Variants in SPIDR observed in about 807,000 individuals in gnomAD.
SPIDR encodes DNA repair-scaffolding protein.
Under a neutral mutation model 104.6 loss-of-function variants are expected in SPIDR, and 93 were observed. That is an observed-to-expected ratio of 0.89 (90% CI 0.75 to 1.06). The LOEUF is 1.06. Among genes scored for constraint, SPIDR ranks in the 50% least tolerant of loss-of-function variants. The pLI is 0.00. For synonymous variants in SPIDR, 431 were observed against 416.9 expected, an observed-to-expected ratio of 1.03 and a Z score of -0.41; for missense variants, 1,154 against 1,111.2, an observed-to-expected ratio of 1.04 and a Z score of -0.55.
chr8:47,291,063 TTACAGACATAAC>T lies in SPIDR; in HGVS notation c.288_299del (p.Thr97_Thr100del). 6.2e-7 allele frequency: 1 copy of T among 1,613,216 alleles called. No individual in the cohort carries two copies. Among genetic ancestry groups the T allele is most frequent in the Non-Finnish European group, 8.5e-7 (1 of 1,179,492 alleles). On this transcript the variant is annotated inframe_deletion, in exon 4 of 20. Transcript: ENST00000297423. ...ACCACATCTAAAAGCACCAGTGGGCTTACAGACATAACATGGAGCTCCAGTGGAAGTGATTTG... is the reference window on the plus strand; with the variant it reads ...ACCACATCTAAAAGCACCAGTGGGCTATGGAGCTCCAGTGGAAGTGATTTG...
At chr8:47,307,375 C>T (rs184234189) in intron 5 of SPIDR, among the ~76,000 whole-genome samples, 130 of 150,692 alleles carry the variant, frequency 8.6e-4, no homozygotes, top group Non-Finnish European at 1.3e-3. Context: ...TGTGCCACCA[C>T]GCCTGGCTCA....
At chr8:47,658,942 C>CAAAAAA (rs772463596) in intron 10 of SPIDR, among the ~76,000 whole-genome samples, 1 of 71,986 alleles carries the variant, frequency 1.4e-5, no homozygotes, top group African/African-American at 5.1e-5. Context: ...ATCTCCATCT[C>CAAAAAA]AAAAAAAAAA....
chr8:47,647,653 A>AGAGAGG (rs1563416167), intron 10 of SPIDR, among the ~76,000 whole-genome samples: 4 of 89,152 alleles, frequency 4.5e-5, no homozygotes, highest in Admixed American at 1.2e-4. Flanking sequence ...AGAGAGAGAG[A>AGAGAGG]GGGAGAGAGA....
At chr8:47,697,893 G>A (rs1563578734) in intron 11 of SPIDR, 1 of 152,268 alleles carries the variant, frequency 6.6e-6, no homozygotes, top group Non-Finnish European at 1.5e-5. Flanking sequence ...GCTGCTGGGT[G>A]AGCTGCTGAC....
At chr8:47,401,388 G>C (rs527743105) in intron 6 of SPIDR, among the ~76,000 whole-genome samples, 1 of 152,308 alleles carries the variant, frequency 6.6e-6, no homozygotes, top group African/African-American at 2.4e-5. Flanking sequence ...ATGCCAAATT[G>C]TAAAGACCAT....
At chr8:47,420,190 G>T (rs1196115046) in intron 7 of SPIDR, among the ~76,000 whole-genome samples, 3 of 152,126 alleles carry the variant, frequency 2.0e-5, no homozygotes, top group African/African-American at 7.2e-5. Flanking sequence ...GTGTCTCGTT[G>T]ATCTGTCTAA....
intron 8 of SPIDR, among the ~76,000 whole-genome samples, chr8:47,476,745 A>C (rs1289412328): frequency 6.6e-6 from 1 of 152,244 alleles, no homozygotes; most frequent in Non-Finnish European, 1.5e-5. Context: ...GCTTAGAAAA[A>C]TACCAGGATT....
intron 8 of SPIDR, among the ~76,000 whole-genome samples, chr8:47,517,774 G>T (rs1023438323): frequency 6.6e-6 from 1 of 152,058 alleles, no homozygotes; most frequent in Non-Finnish European, 1.5e-5. Flanking sequence ...TTCATTATTC[G>T]TATTTAACTC....
intron 8 of SPIDR, among the ~76,000 whole-genome samples, chr8:47,579,908 T>C (rs2059538777): frequency 6.6e-6 from 1 of 152,220 alleles, no homozygotes; most frequent in Admixed American, 6.5e-5. Flanking sequence ...TGGGAGATGG[T>C]CTGGTATCTT....
chr8:47,369,132 A>G (rs368028880), intron 5 of SPIDR, among the ~76,000 whole-genome samples: 1 of 152,300 alleles, frequency 6.6e-6, no homozygotes, highest in South Asian at 2.1e-4. Flanking sequence ...ATGAAGAGAA[A>G]TGTGACTAAG....
At chr8:47,411,735 C>T (rs1479271548) in intron 7 of SPIDR, among the ~76,000 whole-genome samples, 8 of 151,992 alleles carry the variant, frequency 5.3e-5, no homozygotes, top group African/African-American at 9.7e-5. Flanking sequence ...TGCCCATGCC[C>T]ATGTCCTGAA....
rs2046429384 is a variant in SPIDR, at chr8:47,320,903, C to T, written c.525+26873C>T. 2.0e-5 allele frequency among the ~76,000 whole-genome samples: 3 copies of T among 152,294 alleles called. 1 individual carries two copies. The highest frequency in any genetic ancestry group is 4.1e-4 in the South Asian group (2 of 4,824). ...CCTTTGACAAAATTTAACAACCCTT[C>T]ATGCTAAAAACTCTCAATAAATTAG... On this transcript the variant is annotated intron_variant, in intron 5 of 19. Transcript: ENST00000297423.
At chr8:47,619,618 C>CTTT (rs34943473) in intron 10 of SPIDR, among the ~76,000 whole-genome samples, 3 of 144,762 alleles carry the variant, frequency 2.1e-5, no homozygotes, top group African/African-American at 7.6e-5. Flanking sequence ...GTATATTACC[C>CTTT]TTTTTTTTTT....
At chr8:47,691,416 G>A (rs554340470) in intron 11 of SPIDR, among the ~76,000 whole-genome samples, 7 of 152,206 alleles carry the variant, frequency 4.6e-5, no homozygotes, top group South Asian at 2.1e-4. Flanking sequence ...TATTCTTAGC[G>A]GAGATCAATC....
chr8:47,575,306 C>A (rs1371687637), intron 8 of SPIDR, among the ~76,000 whole-genome samples: 1 of 152,122 alleles, frequency 6.6e-6, no homozygotes. Context: ...TTATACATTT[C>A]TGATTTAAAA....
At chr8:47,319,747 T>A (rs568349324) in intron 5 of SPIDR, among the ~76,000 whole-genome samples, 1 of 152,146 alleles carries the variant, frequency 6.6e-6, no homozygotes, top group East Asian at 1.9e-4. Flanking sequence ...ACAAACTGTC[T>A]CTCAGACCAC....
At chr8:47,679,121 G>A (rs1034524245) in intron 11 of SPIDR, among the ~76,000 whole-genome samples, 2 of 152,180 alleles carry the variant, frequency 1.3e-5, no homozygotes, top group Admixed American at 6.5e-5. Context: ...CTGGCACCAT[G>A]GAGGTAACCT....
chr8:47,503,023 C>T (rs1260197499), intron 8 of SPIDR, among the ~76,000 whole-genome samples: 1 of 152,166 alleles, frequency 6.6e-6, no homozygotes, highest in East Asian at 1.9e-4. Flanking sequence ...AATTTCTCTT[C>T]TTTTACATTT....
chr8:47,546,831 T>C, intron 8 of SPIDR: 1 of 269,334 alleles, frequency 3.7e-6, no homozygotes, highest in Non-Finnish European at 7.4e-6. Flanking sequence ...GCTGCCAGTC[T>C]CTTGTCTCCG....
Sources: gnomAD v4.1 joint callset for allele counts (sites outside exome capture counted in the v4.1 genomes callset) on GRCh38, gnomAD v4.1.1 for gene constraint, MANE v1.5 for transcripts, NCBI Gene and HGNC (gene_info 2026-07-23, HGNC 2026-07-21) for gene names.